The following CALD1 variants were observed in gnomAD, a reference collection of about 807,000 sequenced individuals.
CALD1 encodes the protein caldesmon.
CALD1 carries 33 observed loss-of-function variants against 99.9 expected under a neutral mutation model. The observed-to-expected ratio is 0.33, with a 90% CI of 0.25 to 0.44. The LOEUF is 0.44. Ranked by LOEUF, CALD1 falls within the 20% of genes least tolerant of loss-of-function variation. The pLI, the probability that CALD1 is intolerant of heterozygous loss-of-function variation, is 1.00. For synonymous variants in CALD1, 310 were observed against 325.0 expected, an observed-to-expected ratio of 0.95 and a Z score of 0.50; for missense variants, 861 against 962.1, an observed-to-expected ratio of 0.89 and a Z score of 1.39.
At chr7:134,796,987 T>C (rs1274450833) in intron 1 of CALD1, among the ~76,000 whole-genome samples, 1 of 152,072 alleles carries the variant, frequency 6.6e-6, no homozygotes, top group Non-Finnish European at 1.5e-5. Context: ...TGCCATTCAA[T>C]TGAAGCTTTT....
At chr7:134,763,943 T>TC (rs1796803766) in intron 1 of CALD1, among the ~76,000 whole-genome samples, 1 of 151,126 alleles carries the variant, frequency 6.6e-6, no homozygotes, top group African/African-American at 2.4e-5. Context: ...AAAAAGTATT[T>TC]CCCACTTTAA....
intron 1 of CALD1, among the ~76,000 whole-genome samples, chr7:134,800,153 T>A (rs1797888785): frequency 6.6e-6 from 1 of 152,186 alleles, no homozygotes; most frequent in Non-Finnish European, 1.5e-5. Context: ...ATGTTGCTGA[T>A]AAATTAATTT....
At chr7:134,770,022 T>C (rs78551697) in intron 1 of CALD1, among the ~76,000 whole-genome samples, 10 of 152,228 alleles carry the variant, frequency 6.6e-5, no homozygotes, top group Non-Finnish European at 1.2e-4. Flanking sequence ...GTGGCTTTTT[T>C]TGAACAGAAA....
intron 1 of CALD1, among the ~76,000 whole-genome samples, chr7:134,762,257 C>T (rs1404462293): frequency 6.6e-6 from 1 of 152,226 alleles, no homozygotes. Context: ...TCCCAGCTCT[C>T]CTTGCCACTC....
intron 3 of CALD1, among the ~76,000 whole-genome samples, chr7:134,914,942 C>T (rs947157329): frequency 1.1e-4 from 17 of 152,330 alleles, no homozygotes; most frequent in Non-Finnish European, 1.5e-4. Context: ...GAACTCCTTT[C>T]AGGGGTTGAA....
intron 7 of CALD1, among the ~76,000 whole-genome samples, chr7:134,943,577 TG>T (rs1228188381): frequency 8.5e-5 from 13 of 152,196 alleles, no homozygotes; most frequent in African/African-American, 2.9e-4. Flanking sequence ...AAGTGCAAAA[TG>T]GTTTTTTGAT....
chr7:134,754,443 A>T (rs1021966376), intron 1 of CALD1, among the ~76,000 whole-genome samples: 1 of 152,220 alleles, frequency 6.6e-6, no homozygotes, highest in African/African-American at 2.4e-5. Flanking sequence ...TTGAAAAGAA[A>T]ATGTCTATAA....
At chr7:134,770,153 C>T (rs1396133394) in intron 1 of CALD1, among the ~76,000 whole-genome samples, 1 of 152,134 alleles carries the variant, frequency 6.6e-6, no homozygotes, top group Admixed American at 6.5e-5. Context: ...TAGTGGCTTA[C>T]AACAGCAAAC....
intron 1 of CALD1, among the ~76,000 whole-genome samples, chr7:134,751,974 CA>C (rs907871727): frequency 2.0e-5 from 3 of 148,394 alleles, no homozygotes; most frequent in Non-Finnish European, 3.0e-5. Context: ...ATACCTGTTT[CA>C]AAAAAAAAAG....
At chr7:134,877,941 A>C (rs925979088) in intron 3 of CALD1, among the ~76,000 whole-genome samples, 3 of 152,152 alleles carry the variant, frequency 2.0e-5, no homozygotes, top group African/African-American at 4.8e-5. Flanking sequence ...AAACTGATGC[A>C]TACAAAGTAA....
chr7:134,891,728 A>C, intron 3 of CALD1: 1 of 1,079,566 alleles, frequency 9.3e-7, no homozygotes, highest in Non-Finnish European at 1.3e-6. Context: ...TTTTTATAAA[A>C]AACAAACGAA....
At chr7:134,905,922 C>CT (rs5887716) in intron 3 of CALD1, among the ~76,000 whole-genome samples, 1,097 of 94,748 alleles carry the variant, frequency 0.012, 9 homozygotes, top group South Asian at 0.016. Flanking sequence ...CTCTCTATAT[C>CT]TTTTTTTTTT....
rs139940315 is a variant in CALD1, at chr7:134,794,261, G to T, written c.-130+14512G>T. ...CAGCCATGCCTGTTACTGTTACGGA[G>T]GCATGTTCTGTGTATGTGTCTAGGC... On this transcript the variant is annotated intron_variant, in intron 1 of 14. Transcript: ENST00000361675. Among the ~76,000 whole-genome samples the T allele has an allele frequency of 1.6e-4, 24 of 152,274 alleles. No individual in the cohort carries two copies. In the East Asian group the frequency reaches 4.6e-3, roughly 29 times the overall value.
chr7:134,796,169 T>C (rs1414714237), intron 1 of CALD1, among the ~76,000 whole-genome samples: 1 of 152,164 alleles, frequency 6.6e-6, no homozygotes, highest in African/African-American at 2.4e-5. Context: ...AGACTCCAGA[T>C]AGTGGTCTAA....
At position 134,938,854 on chromosome 7, in the gene CALD1, C is replaced by G. The variant is rs184656400; in HGVS notation, c.1387-2238C>G. On this transcript the variant is annotated intron_variant, in intron 6 of 14. Transcript: ENST00000361675. ...GATTTTTTTTCTGTTAGACATGTAT[C>G]ATCTTACAAATCTATTTTAAACACT... Among the ~76,000 whole-genome samples the G allele has an allele frequency of 2.0e-5, 3 of 152,162 alleles. No individual in the cohort carries two copies. The East Asian group carries it at 5.8e-4, about 29-fold the overall frequency.
At chr7:134,860,197 A>G (rs1457366567) in intron 2 of CALD1, among the ~76,000 whole-genome samples, 1 of 152,142 alleles carries the variant, frequency 6.6e-6, no homozygotes, top group Non-Finnish European at 1.5e-5. Flanking sequence ...AGTAGCACAG[A>G]TTTTTGGAAC....
chr7:134,719,249 G>A, the CALD1 span, among the ~76,000 whole-genome samples: 1 of 152,114 alleles, frequency 6.6e-6, no homozygotes, highest in East Asian at 1.9e-4. Context: ...AGAGAAGAAG[G>A]AAAGGGAGAA....
At chr7:134,916,424 G>T (rs1049158390) in intron 3 of CALD1, among the ~76,000 whole-genome samples, 7 of 152,160 alleles carry the variant, frequency 4.6e-5, no homozygotes, top group African/African-American at 1.7e-4. Flanking sequence ...TTCCAATTAA[G>T]AAAAATGAGA....
chr7:134,718,495 A>G, the CALD1 span, among the ~76,000 whole-genome samples: 1 of 152,188 alleles, frequency 6.6e-6, no homozygotes, highest in African/African-American at 2.4e-5. Flanking sequence ...GCTATAAATT[A>G]CATACTTATA....
Sources: allele counts gnomAD v4.1 joint callset (sites outside exome capture counted in the v4.1 genomes callset), GRCh38; gene constraint gnomAD v4.1.1; transcripts MANE v1.5; gene names NCBI Gene and HGNC (gene_info 2026-07-23, HGNC 2026-07-21).